PSMC5: variants seen among roughly 807,000 people sequenced by gnomAD.
PSMC5 encodes proteasome 26S subunit, ATPase 5.
In PSMC5, 11 loss-of-function variants were observed where a neutral mutation model predicts 49.1. The ratio of observed to expected loss-of-function variants is 0.22; its 90% CI spans 0.14 to 0.37. The LOEUF is 0.37. PSMC5 is among the 10% of genes least tolerant of loss of function. The pLI is 1.00. For missense variants in PSMC5, 229 were observed against 520.9 expected (o/e 0.44, Z 5.45); for synonymous variants, 206 against 192.2 (o/e 1.07, Z -0.59).
rs1426546611 is a variant in PSMC5 at position 63,829,421 on chromosome 17, G to A, written c.97-73G>A. ...TCCCTCAGCTCATTCAGACCTGTGA[G>A]GTCTTGGCCAAGATCCTACCTCCTC... On this transcript the variant is annotated intron_variant, in intron 2 of 11. Transcript: ENST00000310144. 2.2e-6 allele frequency: 3 copies of A among 1,385,876 alleles called. No homozygotes were observed. In the Admixed American group the frequency reaches 5.9e-5, roughly 27 times the overall value. 85.8% of individuals were successfully genotyped at this position (1,385,876 alleles called of 1,614,324 possible). A position where few individuals can be genotyped will look rare whatever the true frequency, so the allele number is the denominator to read the frequency against.
At position 63,830,030 on chromosome 17, in the gene PSMC5, T is replaced by C. The variant is rs1598354293; in HGVS notation, c.264+81T>C. The C allele has an allele frequency of 2.6e-6, 4 of 1,559,280 alleles. 1 individual carries two copies. Among genetic ancestry groups the C allele is most frequent in the Middle Eastern group, 3.7e-4 (2 of 5,422 alleles). ...TTGTGTGTAGCCTCGGGAGACAGGGTTCTGTGTTCTGTCAAGGTATTGTGG... is the reference window on the plus strand; with the variant it reads ...TTGTGTGTAGCCTCGGGAGACAGGGCTCTGTGTTCTGTCAAGGTATTGTGG... On this transcript the variant is annotated intron_variant, in intron 4 of 11. Transcript: ENST00000310144. The surrounding 1 kb of genome is among the most constrained non-coding windows in gnomAD (Gnocchi z 4.0).
rs2040145958 is a variant in PSMC5 at position 63,828,854 on chromosome 17, A to G, written c.97-640A>G. On this transcript the variant is annotated intron_variant, in intron 2 of 11. Coordinates refer to ENST00000310144, the MANE Select transcript of PSMC5 (RefSeq NM_002805.6). ...TAGGCTGTTAGTAGTTTAACTTTGGACAGGTCCATGGATTTTCAATTTCAC... is the reference window on the plus strand; with the variant it reads ...TAGGCTGTTAGTAGTTTAACTTTGGGCAGGTCCATGGATTTTCAATTTCAC... 2 of 153,858 alleles carry G rather than the reference A, an allele frequency of 1.3e-5. 1 individual carries two copies. The highest frequency in any genetic ancestry group is 4.8e-5 in the African/African-American group (2 of 41,454). 9.5% of individuals were successfully genotyped at this position (153,858 alleles called of 1,614,324 possible).
chr17:63,831,282 C>T lies in PSMC5; in HGVS notation c.871-45C>T, dbSNP rs746461445. On this transcript the variant is annotated intron_variant, in intron 8 of 11. Coordinates refer to ENST00000310144, the MANE Select transcript of PSMC5 (RefSeq NM_002805.6). The surrounding 1 kb of genome is among the most constrained non-coding windows in gnomAD (Gnocchi z 6.3). ...AGGGAAGGCCTGGGTGCCACGCAGG[C>T]TGAGGAAGAGGTTTAGCTGATCCCC... is the stretch of plus-strand genomic sequence containing the variant. The T allele has an allele frequency of 6.2e-7, 1 of 1,610,974 alleles. No individual in the cohort carries two copies. Among genetic ancestry groups the T allele is most frequent in the Non-Finnish European group, 8.5e-7 (1 of 1,178,046 alleles).
At position 63,830,970 on chromosome 17, in the gene PSMC5, A is replaced by AG; in HGVS notation, c.679+39dup. The AG allele has an allele frequency of 8.7e-6, 14 of 1,613,628 alleles. No homozygotes were observed. The highest frequency in any genetic ancestry group is 1.0e-5 in the Non-Finnish European group (12 of 1,179,714). On this transcript the variant is annotated intron_variant, in intron 7 of 11. Transcript: ENST00000310144. This position sits in a 1 kb window ranked among gnomAD's most constrained non-coding sequence, Gnocchi z 4.0. ...GCTAGCAATGTGAGAAGCAAGAGGT[A>AG]GGGGTAGGGGGTTAGAGAGCTAATA...
intron 1 of PSMC5, chr17:63,827,777 C>T: frequency 1.4e-6 from 2 of 1,431,814 alleles, no homozygotes; most frequent in Non-Finnish European, 9.1e-7. Context: ...CCACGGGTCG[C>T]AGGAGACGGG....
In PSMC5 at chr17:63,829,959, G is replaced by A; in HGVS notation, c.264+10G>A. The A allele has an allele frequency of 6.2e-7, 1 of 1,603,728 alleles. No homozygotes were observed. The highest frequency in any genetic ancestry group is 8.5e-7 in the Non-Finnish European group (1 of 1,174,764). On this transcript the variant is annotated intron_variant, in intron 4 of 11. Coordinates refer to ENST00000310144, the MANE Select transcript of PSMC5 (RefSeq NM_002805.6). ...GAAAGTGTTGGTCAAGGTAAAAGCAGCATGACCCCAGGGACCAGCTCGGTC... is the reference window on the plus strand; with the variant it reads ...GAAAGTGTTGGTCAAGGTAAAAGCAACATGACCCCAGGGACCAGCTCGGTC...
At position 63,831,307 on chromosome 17, in the gene PSMC5, C is replaced by T; in HGVS notation, c.871-20C>T. The stretch of plus-strand genomic sequence containing the variant: ...CTGAGGAAGAGGTTTAGCTGATCCC[C>T]ACTTGCTTTCTCTGCTCAGGTTATC... On this transcript the variant is annotated intron_variant, in intron 8 of 11. Transcript: ENST00000310144. This position sits in a 1 kb window ranked among gnomAD's most constrained non-coding sequence, Gnocchi z 6.3. 2 of 1,613,326 alleles carry T rather than the reference C, an allele frequency of 1.2e-6. No individual in the cohort carries two copies. Among genetic ancestry groups the T allele is most frequent in the South Asian group, 1.1e-5 (1 of 91,054 alleles).
At position 63,831,942 on chromosome 17, in the gene PSMC5, C is replaced by T; in HGVS notation, c.1194C>T (p.Asn398=). The change falls in exon 12 of 12, where the codon AAC becomes AAT. Residue 398 remains asparagine, a synonymous_variant. Coordinates refer to ENST00000310144, the MANE Select transcript of PSMC5 (RefSeq NM_002805.6). This position sits in a 1 kb window ranked among gnomAD's most constrained non-coding sequence, Gnocchi z 6.3. ...TCATGCAGAAGGACAGTGAGAAAAACATGTCCATCAAGAAATTATGGAAGT... is the reference window on the plus strand; with the variant it reads ...TCATGCAGAAGGACAGTGAGAAAAATATGTCCATCAAGAAATTATGGAAGT... The part of the protein sequence containing the change: ...AKVMQKDSEK[N]MSIKKLWK 6.2e-7 allele frequency: 1 copy of T among 1,614,092 alleles called. No homozygotes were observed. The highest frequency in any genetic ancestry group is 8.5e-7 in the Non-Finnish European group (1 of 1,179,922).
intron 1 of PSMC5, 50 bp downstream of exon 1, chr17:63,827,564 G>A (rs776249519): frequency 1.3e-6 from 2 of 1,551,476 alleles, no homozygotes; most frequent in South Asian, 2.4e-5. Flanking sequence ...TGGGTGCGGA[G>A]CGAGCGTGAT....
intron 2 of PSMC5, chr17:63,829,276 T>C (rs879926464): frequency 3.3e-5 from 18 of 542,254 alleles, no homozygotes; most frequent in South Asian, 2.9e-4. Flanking sequence ...TGGACCAGTA[T>C]TGGACAAGCA....
At position 63,830,135 on chromosome 17, in the gene PSMC5, A is replaced by G; in HGVS notation, c.267A>G (p.Val89=). 4 of 1,613,774 alleles carry G rather than the reference A, an allele frequency of 2.5e-6. No homozygotes were observed. Among genetic ancestry groups the G allele is most frequent in the Non-Finnish European group, 3.4e-6 (4 of 1,179,846 alleles). The part of the protein sequence containing the change: ...AMDKKKVLVK[V]HPEGKFVVDV... The stretch of plus-strand genomic sequence containing the variant: ...GTCATGAGCCCTTGTTTCTTTAGGT[A>G]CATCCTGAAGGTAAATTTGTTGTAG... Residue 89 remains valine (V), a splice_region_variant and synonymous_variant, in exon 5 of 12, where the codon GTA becomes GTG. Transcript: ENST00000310144. The surrounding 1 kb of genome is among the most constrained non-coding windows in gnomAD (Gnocchi z 4.0).
At chr17:63,828,032 A>G (rs1353816732) in intron 1 of PSMC5, 106 bp from the exon 2 acceptor site, 2 of 1,415,576 alleles carry the variant, frequency 1.4e-6, no homozygotes, top group Non-Finnish European at 2.0e-6. Flanking sequence ...AACTTTTTCT[A>G]CTACGCAAAG....
Position 63,831,838 on chromosome 17 carries a change from C to T in PSMC5, c.1167+28C>T. On this transcript the variant is annotated intron_variant, in intron 11 of 11. Transcript: ENST00000310144. The surrounding 1 kb of genome is among the most constrained non-coding windows in gnomAD (Gnocchi z 6.3). ...ATAGGCCTCCATCTTTGTGCCTTTG[C>T]CAGTGGTGGCTCTGGGGCAGTGGGC... The T allele has an allele frequency of 6.2e-7, 1 of 1,613,328 alleles. No individual in the cohort carries two copies. Among genetic ancestry groups the T allele is most frequent in the Middle Eastern group, 1.6e-4 (1 of 6,062 alleles).
intron 1 of PSMC5, 125 bp from the exon 2 acceptor site, chr17:63,828,013 C>T: frequency 7.5e-7 from 1 of 1,332,804 alleles, no homozygotes; most frequent in Non-Finnish European, 1.0e-6. Flanking sequence ...CCTGAGCCTC[C>T]GAAGTCCAAA....
At position 63,830,637 on chromosome 17, in the gene PSMC5, G is replaced by C. The variant is rs2040171863; in HGVS notation, c.552+136G>C. On this transcript the variant is annotated intron_variant, in intron 6 of 11. Transcript: ENST00000310144. This position sits in a 1 kb window ranked among gnomAD's most constrained non-coding sequence, Gnocchi z 4.0. The stretch of plus-strand genomic sequence containing the variant: ...GCTGGCCCTCCCCCTGAAAAGAGTG[G>C]CTGGGGAAGTGTTCCTAGGGCGGTG... The C allele has an allele frequency of 6.8e-7, 1 of 1,477,204 alleles. No individual in the cohort carries two copies. The highest frequency in any genetic ancestry group is 9.0e-7 in the Non-Finnish European group (1 of 1,109,402). The allele number at this position is 1,477,204 out of a possible 1,614,324, so 91.5% of individuals were successfully genotyped here. A position where few individuals can be genotyped will look rare whatever the true frequency, so the allele number is the denominator to read the frequency against.
At chr17:63,829,981 G>C (rs925625992) in intron 4 of PSMC5, 32 bp downstream of exon 4, 4 of 1,586,088 alleles carry the variant, frequency 2.5e-6, no homozygotes, top group African/African-American at 1.3e-5. Context: ...GGACCAGCTC[G>C]GTCTCCACTG....
At chr17:63,827,938 C>A in intron 1 of PSMC5, 200 bp from the exon 2 acceptor site, 1 of 1,334,758 alleles carries the variant, frequency 7.5e-7, no homozygotes, top group South Asian at 1.5e-5. Context: ...GCGGCGTTCC[C>A]ATTCTTTTAT....
chr17:63,829,774 T>A, intron 3 of PSMC5, 78 bp from the exon 4 acceptor site: 1 of 1,449,284 alleles, frequency 6.9e-7, no homozygotes. Flanking sequence ...GAGTGATGCT[T>A]AGCTCATGCA....
Position 63,828,213 on chromosome 17 carries a change from A to T in PSMC5, c.96+4A>T. The T allele has an allele frequency of 2.5e-6, 4 of 1,613,996 alleles. No individual in the cohort carries two copies. The highest frequency in any genetic ancestry group is 3.4e-6 in the Non-Finnish European group (4 of 1,179,910). On this transcript the variant is annotated splice_donor_region_variant and intron_variant, in intron 2 of 11. Transcript: ENST00000310144. ...GTCCAAGATTGAAGAACTCCAGGTG[A>T]GGACGGACTCCAGAGGGAGCTAGGA...
Sources: allele counts gnomAD v4.1 joint callset, GRCh38; gene constraint gnomAD v4.1.1; non-coding constraint Gnocchi (gnomAD v3.1); transcripts MANE v1.5; gene names NCBI Gene and HGNC (gene_info 2026-07-23, HGNC 2026-07-21).